GRIA1: variants seen among roughly 807,000 people sequenced by gnomAD.
GRIA1 encodes glutamate ionotropic receptor AMPA type subunit 1.
In GRIA1, 31 loss-of-function variants were observed where a neutral mutation model predicts 99.2. The observed-to-expected ratio is 0.31, with a 90% CI of 0.23 to 0.42. The LOEUF (loss-of-function observed/expected upper bound fraction) is 0.42. GRIA1 is among the 10% of genes least tolerant of loss of function. The probability of loss-of-function intolerance (pLI) is 1.00; values close to 1 mark genes in which losing one functional copy is unlikely to be tolerated. For synonymous variants in GRIA1, 438 were observed against 432.4 expected, an observed-to-expected ratio of 1.01 and a Z score of -0.16; for missense variants, 782 against 1,157.5, an observed-to-expected ratio of 0.68 and a Z score of 4.71.
At chr5:153,653,866 A>G (rs1754749943) in intron 4 of GRIA1, among the ~76,000 whole-genome samples, 1 of 152,198 alleles carries the variant, frequency 6.6e-6, no homozygotes. Context: ...AGAGGAGTTG[A>G]GATTGGAGCT....
intron 4 of GRIA1, among the ~76,000 whole-genome samples, chr5:153,654,466 T>C (rs971537341): frequency 1.3e-5 from 2 of 152,146 alleles, no homozygotes; most frequent in Admixed American, 6.5e-5. Flanking sequence ...TAAAGGTGTC[T>C]CATTGTTGAA....
intron 7 of GRIA1, among the ~76,000 whole-genome samples, chr5:153,681,876 A>G (rs1237530114): frequency 1.3e-5 from 2 of 152,100 alleles, no homozygotes; most frequent in African/African-American, 2.4e-5. Flanking sequence ...TCTACTAAAA[A>G]TACAAAAAGT....
intron 2 of GRIA1, among the ~76,000 whole-genome samples, chr5:153,516,128 G>A (rs1197443466): frequency 2.0e-5 from 3 of 152,096 alleles, no homozygotes; most frequent in Non-Finnish European, 2.9e-5. Flanking sequence ...GCTAAGGCAG[G>A]AGAATCACTT....
intron 2 of GRIA1, among the ~76,000 whole-genome samples, chr5:153,606,048 T>C (rs538994021): frequency 3.9e-5 from 6 of 152,310 alleles, no homozygotes; most frequent in Admixed American, 2.6e-4. Context: ...TATTCTTCTA[T>C]ATTAACTTTT....
At chr5:153,520,152 A>G (rs1292283356) in intron 2 of GRIA1, among the ~76,000 whole-genome samples, 4 of 152,192 alleles carry the variant, frequency 2.6e-5, no homozygotes, top group Non-Finnish European at 5.9e-5. Flanking sequence ...CAGACTCCCA[A>G]CTGGTCTCCT....
At chr5:153,651,030 G>T (rs1366249201) in intron 4 of GRIA1, among the ~76,000 whole-genome samples, 1 of 151,874 alleles carries the variant, frequency 6.6e-6, no homozygotes, top group Admixed American at 6.6e-5. Context: ...AGTGAGCCAA[G>T]ATTGTGCTAC....
intron 13 of GRIA1, among the ~76,000 whole-genome samples, chr5:153,774,883 G>A (rs1177157173): frequency 6.6e-6 from 1 of 152,166 alleles, no homozygotes; most frequent in Admixed American, 6.5e-5. Context: ...TGTTTCTTCT[G>A]CTCTGGAAAC....
intron 11 of GRIA1, among the ~76,000 whole-genome samples, chr5:153,751,530 A>G (rs1427963837): frequency 6.6e-6 from 1 of 152,248 alleles, no homozygotes; most frequent in Non-Finnish European, 1.5e-5. Flanking sequence ...GTCTATGGCT[A>G]CTTTTCACTC....
intron 13 of GRIA1, among the ~76,000 whole-genome samples, chr5:153,785,822 G>A (rs141856849): frequency 3.7e-4 from 57 of 152,324 alleles, no homozygotes; most frequent in African/African-American, 1.3e-3. Context: ...TTTTCAAGTA[G>A]CAATTATCAG....
At chr5:153,608,167 C>T (rs1294370682) in intron 2 of GRIA1, among the ~76,000 whole-genome samples, 3 of 152,148 alleles carry the variant, frequency 2.0e-5, no homozygotes, top group Non-Finnish European at 2.9e-5. Context: ...CTTTGCCCCA[C>T]TTCCAGGTAC....
chr5:153,690,957 C>G (rs1757700408), intron 8 of GRIA1, among the ~76,000 whole-genome samples: 1 of 152,216 alleles, frequency 6.6e-6, no homozygotes, highest in South Asian at 2.1e-4. Context: ...GTGAGCATTA[C>G]ATGGCCTTAC....
chr5:153,575,756 G>T (rs1561655512), intron 2 of GRIA1, among the ~76,000 whole-genome samples: 1 of 152,208 alleles, frequency 6.6e-6, no homozygotes, highest in Non-Finnish European at 1.5e-5. Context: ...CAAAAGAGTT[G>T]TAGGTGCACT....
intron 13 of GRIA1, among the ~76,000 whole-genome samples, chr5:153,773,105 A>AT (rs1294385255): frequency 1.3e-5 from 2 of 152,178 alleles, no homozygotes; most frequent in African/African-American, 4.8e-5. Flanking sequence ...AAAAACCATC[A>AT]TTGAGTCAGT....
At chr5:153,735,057 A>G (rs1286065807) in intron 11 of GRIA1, among the ~76,000 whole-genome samples, 1 of 152,148 alleles carries the variant, frequency 6.6e-6, no homozygotes, top group East Asian at 1.9e-4. Flanking sequence ...TGATATTGTT[A>G]AACACCCTGC....
chr5:153,656,904 A>G (rs192615571), intron 5 of GRIA1, among the ~76,000 whole-genome samples: 2 of 152,114 alleles, frequency 1.3e-5, no homozygotes, highest in Non-Finnish European at 2.9e-5. Context: ...TTTACTTTCT[A>G]TCCGTATGTA....
At chr5:153,524,265 T>G (rs1757411532) in intron 2 of GRIA1, among the ~76,000 whole-genome samples, 1 of 152,178 alleles carries the variant, frequency 6.6e-6, no homozygotes, top group South Asian at 2.1e-4. Flanking sequence ...AGGCGGAGGT[T>G]GCAGTGAGCC....
chr5:153,587,631 T>A (rs1252257211), intron 2 of GRIA1, among the ~76,000 whole-genome samples: 3 of 152,186 alleles, frequency 2.0e-5, no homozygotes, highest in Admixed American at 6.5e-5. Context: ...AGGTCTTGCA[T>A]CATACCTTTC....
At chr5:153,692,295 A>G (rs1341153066) in intron 8 of GRIA1, among the ~76,000 whole-genome samples, 1 of 152,166 alleles carries the variant, frequency 6.6e-6, no homozygotes, top group African/African-American at 2.4e-5. Flanking sequence ...TCCTTCTGAT[A>G]TATTTTTATT....
At chr5:153,581,614 T>A (rs1561661175) in intron 2 of GRIA1, among the ~76,000 whole-genome samples, 1 of 152,160 alleles carries the variant, frequency 6.6e-6, no homozygotes, top group African/African-American at 2.4e-5. Context: ...CAGTCAGTAC[T>A]TCGCTGACCT....
Sources: gnomAD v4.1 joint callset for allele counts (sites outside exome capture counted in the v4.1 genomes callset) on GRCh38, gnomAD v4.1.1 for gene constraint, MANE v1.5 for transcripts, NCBI Gene and HGNC (gene_info 2026-07-23, HGNC 2026-07-21) for gene names.